ZBTB20: variants seen among roughly 807,000 people sequenced by gnomAD.
The protein encoded by ZBTB20 is zinc finger and BTB domain-containing protein 20.
In ZBTB20, 9 loss-of-function variants were observed where a neutral mutation model predicts 56.9. The ratio of observed to expected loss-of-function variants is 0.16; its 90% CI spans 0.10 to 0.28. The LOEUF is 0.28. Ranked by LOEUF, ZBTB20 falls within the 10% of genes least tolerant of loss-of-function variation. ZBTB20 has a pLI of 1.00. For synonymous variants in ZBTB20, 417 were observed against 420.7 expected, an observed-to-expected ratio of 0.99 and a Z score of 0.11; for missense variants, 655 against 1,003.0, an observed-to-expected ratio of 0.65 and a Z score of 4.69.
intron 2 of ZBTB20, among the ~76,000 whole-genome samples, chr3:115,024,471 CA>C (rs2080337696): frequency 6.6e-6 from 1 of 150,992 alleles, no homozygotes; most frequent in Non-Finnish European, 1.5e-5. Flanking sequence ...ACTTGCAACC[CA>C]CCTTTTTATC....
intron 3 of ZBTB20, among the ~76,000 whole-genome samples, chr3:114,906,679 T>C (rs894468657): frequency 2.6e-5 from 4 of 151,610 alleles, no homozygotes; most frequent in Non-Finnish European, 4.4e-5. Flanking sequence ...GGGCTCACTA[T>C]TGATTAGTTC....
At chr3:114,857,261 C>T (rs546110766) in intron 4 of ZBTB20, among the ~76,000 whole-genome samples, 4 of 152,290 alleles carry the variant, frequency 2.6e-5, no homozygotes, top group African/African-American at 4.8e-5. Context: ...CCTTTCTCAT[C>T]TTTCCAAAGC....
chr3:114,875,329 C>A (rs1314665232), intron 4 of ZBTB20, among the ~76,000 whole-genome samples: 2 of 152,186 alleles, frequency 1.3e-5, no homozygotes, highest in East Asian at 3.8e-4. Context: ...TAGTTCAGTG[C>A]AGCATATTTT....
In ZBTB20 at chr3:114,806,400, C is replaced by T. The variant is rs139752744; in HGVS notation, c.-416-5226G>A. On this transcript the variant is annotated intron_variant, in intron 4 of 11. Transcript: ENST00000675478. ...CTTCATCTTCTTTGGTGAATAACTTCGGTGAATTGTCAAATATTTTGCCCA... is the reference window on the plus strand; with the variant it reads ...CTTCATCTTCTTTGGTGAATAACTTTGGTGAATTGTCAAATATTTTGCCCA... Among the ~76,000 whole-genome samples, 19 of 151,996 alleles carry T rather than the reference C, an allele frequency of 1.3e-4. No individual in the cohort carries two copies. In the East Asian group the frequency reaches 3.5e-3, roughly 28 times the overall value.
intron 1 of ZBTB20, among the ~76,000 whole-genome samples, chr3:115,119,106 T>C (rs917219534): frequency 3.3e-5 from 5 of 152,140 alleles, no homozygotes; most frequent in African/African-American, 1.2e-4. Context: ...TCTGAGAGAA[T>C]AGTTGGTTAA....
chr3:114,762,080 T>C (rs1183705421), intron 5 of ZBTB20, among the ~76,000 whole-genome samples: 1 of 152,102 alleles, frequency 6.6e-6, no homozygotes, highest in Admixed American at 6.6e-5. Context: ...GGGTTTTCCT[T>C]TGAAGATGTT....
At chr3:114,715,521 T>C (rs1411277196) in intron 5 of ZBTB20, among the ~76,000 whole-genome samples, 2 of 152,202 alleles carry the variant, frequency 1.3e-5, no homozygotes, top group Admixed American at 1.3e-4. Flanking sequence ...CCACATTTGC[T>C]ACAATAACAC....
intron 5 of ZBTB20, among the ~76,000 whole-genome samples, chr3:114,731,564 T>C (rs1578581149): frequency 6.6e-6 from 1 of 152,194 alleles, no homozygotes; most frequent in African/African-American, 2.4e-5. Context: ...AAAATATCCT[T>C]GCAATATGCC....
At chr3:115,117,576 A>G (rs111778135) in intron 1 of ZBTB20, among the ~76,000 whole-genome samples, 19 of 152,106 alleles carry the variant, frequency 1.2e-4, no homozygotes, top group African/African-American at 4.6e-4. Flanking sequence ...AAAATTAGGA[A>G]TTTTTATTTT....
Position 114,743,094 on chromosome 3 carries a change from G to A in ZBTB20, c.-342-49519C>T, listed in dbSNP as rs181335248. ...CAAAGCATTGTCACAGCAGAACATGGTCATAAGTCCATCAAAGAGAAACCT... is the reference window on the plus strand; with the variant it reads ...CAAAGCATTGTCACAGCAGAACATGATCATAAGTCCATCAAAGAGAAACCT... On this transcript the variant is annotated intron_variant, in intron 5 of 11. Coordinates refer to ENST00000675478, the MANE Select transcript of ZBTB20 (RefSeq NM_001348800.3). 1.8e-4 allele frequency among the ~76,000 whole-genome samples: 28 copies of A among 152,198 alleles called. 1 individual carries two copies. Among genetic ancestry groups the A allele is most frequent in the Admixed American group, 1.8e-3 (27 of 15,286 alleles).
chr3:114,681,182 C>T (rs1308244499), intron 6 of ZBTB20, among the ~76,000 whole-genome samples: 14 of 135,160 alleles, frequency 1.0e-4, no homozygotes, highest in South Asian at 4.6e-4. Flanking sequence ...TTTTTTGAGA[C>T]GGAGTCTCAC....
chr3:114,578,791 T>TA (rs1425108885), intron 6 of ZBTB20, among the ~76,000 whole-genome samples: 4 of 151,318 alleles, frequency 2.6e-5, no homozygotes. Context: ...AAATAATTAC[T>TA]AAAAAAAAGT....
intron 6 of ZBTB20, among the ~76,000 whole-genome samples, chr3:114,501,531 C>G (rs1349033614): frequency 6.7e-6 from 1 of 148,514 alleles, no homozygotes; most frequent in East Asian, 2.0e-4. Context: ...GAGGCCGAGG[C>G]AGGAGAATTG....
chr3:114,941,283 T>C (rs1318702201), intron 3 of ZBTB20, among the ~76,000 whole-genome samples: 1 of 145,978 alleles, frequency 6.9e-6, no homozygotes, highest in African/African-American at 2.8e-5. Context: ...TATAATGACT[T>C]TGAGAAACTA....
intron 2 of ZBTB20, among the ~76,000 whole-genome samples, chr3:115,056,045 GA>G (rs1156380442): frequency 6.6e-6 from 1 of 151,990 alleles, no homozygotes; most frequent in Non-Finnish European, 1.5e-5. Context: ...CCAAAAGGGT[GA>G]AAATATTTTA....
intron 2 of ZBTB20, among the ~76,000 whole-genome samples, chr3:114,977,229 C>T (rs1047527299): frequency 6.6e-6 from 1 of 152,172 alleles, no homozygotes; most frequent in African/African-American, 2.4e-5. Context: ...ATTCCTAATG[C>T]AAGCACAAGC....
At chr3:114,449,647 C>T (rs546324783) in intron 7 of ZBTB20, among the ~76,000 whole-genome samples, 1 of 150,458 alleles carries the variant, frequency 6.6e-6, no homozygotes, top group Non-Finnish European at 1.5e-5. Context: ...AAGAGGAGAA[C>T]CTGCTTCTTT....
intron 11 of ZBTB20, among the ~76,000 whole-genome samples, chr3:114,344,200 AT>A (rs767503959): frequency 4.3e-4 from 65 of 152,246 alleles, no homozygotes; most frequent in Non-Finnish European, 6.9e-4. Context: ...CATTCACAAA[AT>A]ATCTGTGGCT....
At chr3:114,892,226 G>A (rs890670855) in intron 4 of ZBTB20, among the ~76,000 whole-genome samples, 5 of 152,060 alleles carry the variant, frequency 3.3e-5, no homozygotes, top group African/African-American at 7.2e-5. Context: ...TTTACATTCC[G>A]TCTTGCTAAG....
Sources: gnomAD v4.1 joint callset for allele counts (sites outside exome capture counted in the v4.1 genomes callset) on GRCh38, gnomAD v4.1.1 for gene constraint, MANE v1.5 for transcripts, NCBI Gene and HGNC (gene_info 2026-07-23, HGNC 2026-07-21) for gene names.